PRKCB: variants seen among roughly 807,000 people sequenced by gnomAD.
PRKCB encodes protein kinase C beta type.
Under a neutral mutation model 81.5 loss-of-function variants are expected in PRKCB, and 13 were observed. That is an observed-to-expected ratio of 0.16 (90% CI 0.10 to 0.25). The LOEUF is 0.25. Among genes scored for constraint, PRKCB ranks in the 10% least tolerant of loss-of-function variants. The probability of loss-of-function intolerance (pLI) is 1.00; values close to 1 mark genes in which losing one functional copy is unlikely to be tolerated. For missense variants in PRKCB, 509 were observed against 875.7 expected (o/e 0.58, Z 5.29); for synonymous variants, 335 against 321.4 (o/e 1.04, Z -0.45).
chr16:23,917,640 G>A (rs746717297), intron 2 of PRKCB, among the ~76,000 whole-genome samples: 2 of 152,238 alleles, frequency 1.3e-5, no homozygotes, highest in Non-Finnish European at 2.9e-5. Flanking sequence ...ATGCCAGGTG[G>A]CGGTCACTGG....
chr16:23,964,268 G>A (rs941745789), intron 2 of PRKCB, among the ~76,000 whole-genome samples: 1 of 152,246 alleles, frequency 6.6e-6, no homozygotes, highest in Non-Finnish European at 1.5e-5. Flanking sequence ...GATCTAGATA[G>A]AACAGGATTC....
At chr16:23,899,451 A>T (rs1963432172) in intron 2 of PRKCB, among the ~76,000 whole-genome samples, 1 of 152,232 alleles carries the variant, frequency 6.6e-6, no homozygotes, top group African/African-American at 2.4e-5. Context: ...TCTCTGTTAA[A>T]AATGTCAAAC....
intron 3 of PRKCB, among the ~76,000 whole-genome samples, chr16:23,998,933 A>G (rs74015221): frequency 0.026 from 3,938 of 152,244 alleles, 148 homozygotes; most frequent in African/African-American, 0.089. Context: ...CTTGAGCATG[A>G]GGAGAGCAGG....
At chr16:24,185,884 T>C (rs1158844979) in intron 15 of PRKCB, among the ~76,000 whole-genome samples, 1 of 152,216 alleles carries the variant, frequency 6.6e-6, no homozygotes, top group Non-Finnish European at 1.5e-5. Flanking sequence ...GTCAAAGAGC[T>C]GGAAGTCATG....
chr16:24,058,524 C>T (rs1223557980), intron 5 of PRKCB, among the ~76,000 whole-genome samples: 1 of 151,922 alleles, frequency 6.6e-6, no homozygotes, highest in East Asian at 1.9e-4. Flanking sequence ...TGTGAAGGTG[C>T]CTTAGGTTTC....
intron 5 of PRKCB, among the ~76,000 whole-genome samples, chr16:24,048,399 A>G (rs1408632128): frequency 6.6e-6 from 1 of 152,160 alleles, no homozygotes; most frequent in East Asian, 1.9e-4. Context: ...AGGCTCTTGG[A>G]CACCGTCTTA....
rs1483151882 is a variant in PRKCB at position 24,220,603 on chromosome 16, T to C, written c.*5787T>C. ...AATTGATATGATTAAACTGAATTAA[T>C]ATATGCAAGCTCTTGTTTATATGTC... is the stretch of plus-strand genomic sequence containing the variant. On this transcript the variant is annotated 3_prime_UTR_variant, in exon 17 of 17. Transcript: ENST00000643927. The C allele has an allele frequency of 6.5e-6, 1 of 153,432 alleles. No individual in the cohort carries two copies. The highest frequency in any genetic ancestry group is 1.5e-5 in the Non-Finnish European group (1 of 68,892). 9.5% of individuals were successfully genotyped at this position (153,432 alleles called of 1,614,324 possible).
chr16:24,048,604 C>T (rs987194067), intron 5 of PRKCB, among the ~76,000 whole-genome samples: 3 of 152,028 alleles, frequency 2.0e-5, no homozygotes, highest in Non-Finnish European at 2.9e-5. Context: ...ATTCTCCTGC[C>T]TCAGCCTTCC....
chr16:24,142,532 G>C (rs1966916071), intron 9 of PRKCB, among the ~76,000 whole-genome samples: 1 of 152,214 alleles, frequency 6.6e-6, no homozygotes, highest in East Asian at 1.9e-4. Flanking sequence ...CTCCAGTGAG[G>C]GCCAGGCCTG....
intron 9 of PRKCB, among the ~76,000 whole-genome samples, chr16:24,140,083 C>T (rs559272747): frequency 3.5e-4 from 53 of 152,208 alleles, no homozygotes; most frequent in Non-Finnish European, 5.7e-4. Context: ...GAGGCAAGTG[C>T]ATTTGATTCC....
intron 2 of PRKCB, among the ~76,000 whole-genome samples, chr16:23,878,152 A>T (rs143249515): frequency 2.6e-4 from 40 of 152,182 alleles, no homozygotes; most frequent in African/African-American, 9.6e-4. Context: ...CTTGTCATTC[A>T]CAGTAGTTAT....
intron 2 of PRKCB, among the ~76,000 whole-genome samples, chr16:23,878,256 A>G (rs1360927617): frequency 6.6e-6 from 1 of 152,228 alleles, no homozygotes; most frequent in African/African-American, 2.4e-5. Context: ...GCCTTTGGTC[A>G]CAGCATTTTC....
At chr16:24,053,140 A>G (rs1328160401) in intron 5 of PRKCB, among the ~76,000 whole-genome samples, 1 of 152,156 alleles carries the variant, frequency 6.6e-6, no homozygotes. Flanking sequence ...TCTTCCCCTC[A>G]CATCCAGCAC....
chr16:24,000,868 G>A (rs999700911), intron 3 of PRKCB, among the ~76,000 whole-genome samples: 3 of 152,172 alleles, frequency 2.0e-5, no homozygotes, highest in African/African-American at 7.2e-5. Flanking sequence ...GAAAATGCTG[G>A]TGTCAAATTC....
chr16:24,213,280 G>C (rs911656245), intron 16 of PRKCB, among the ~76,000 whole-genome samples: 1 of 151,870 alleles, frequency 6.6e-6, no homozygotes, highest in African/African-American at 2.4e-5. Context: ...TGATCCACCC[G>C]CCTCCTCCTC....
At chr16:23,911,825 CATTTTT>C (rs1322949974) in intron 2 of PRKCB, among the ~76,000 whole-genome samples, 13 of 126,376 alleles carry the variant, frequency 1.0e-4, no homozygotes, top group Admixed American at 2.6e-4. Flanking sequence ...GCGCGACCCA[CATTTTT>C]TTTTTTTTTT....
At chr16:23,958,580 G>A (rs1471238715) in intron 2 of PRKCB, among the ~76,000 whole-genome samples, 9 of 150,436 alleles carry the variant, frequency 6.0e-5, no homozygotes, top group African/African-American at 2.2e-4. Flanking sequence ...TGGGATTACA[G>A]GTGTGAGCCA....
At chr16:24,120,344 A>C (rs967911315) in intron 8 of PRKCB, among the ~76,000 whole-genome samples, 8 of 152,232 alleles carry the variant, frequency 5.3e-5, no homozygotes, top group African/African-American at 1.9e-4. Flanking sequence ...TGCCCACCTC[A>C]AGTTTCAAAA....
At chr16:24,209,927 G>A (rs1263990083) in intron 16 of PRKCB, among the ~76,000 whole-genome samples, 1 of 150,494 alleles carries the variant, frequency 6.6e-6, no homozygotes, top group Admixed American at 6.6e-5. Flanking sequence ...AACATAGCAA[G>A]ACCCCACACA....
Sources: gnomAD v4.1 joint callset for allele counts (sites outside exome capture counted in the v4.1 genomes callset) on GRCh38, gnomAD v4.1.1 for gene constraint, MANE v1.5 for transcripts, NCBI Gene and HGNC (gene_info 2026-07-23, HGNC 2026-07-21) for gene names.